Variants in SEC23A observed in about 807,000 individuals in gnomAD.
The protein encoded by SEC23A is protein transport protein Sec23A.
Under a neutral mutation model 103.7 loss-of-function variants are expected in SEC23A, and 56 were observed. The observed-to-expected ratio is 0.54, with a 90% CI of 0.44 to 0.67. SEC23A has a LOEUF of 0.67. Ranked by LOEUF, SEC23A falls within the 30% of genes least tolerant of loss-of-function variation. SEC23A has a pLI of 0.00. For synonymous variants in SEC23A, 281 were observed against 293.0 expected (o/e 0.96, Z 0.42); for missense variants, 784 against 936.4 (o/e 0.84, Z 2.12).
At chr14:39,041,726 G>A (rs764214995) in intron 17 of SEC23A, among the ~76,000 whole-genome samples, 5 of 151,876 alleles carry the variant, frequency 3.3e-5, no homozygotes, top group Non-Finnish European at 7.4e-5. Flanking sequence ...AAAATTAACT[G>A]GGCGTGGTGG....
chr14:39,076,213 A>T, intron 7 of SEC23A, 120 bp from the exon 8 acceptor site: 1 of 871,722 alleles, frequency 1.1e-6, no homozygotes, highest in Non-Finnish European at 1.7e-6. Flanking sequence ...AAATAAAATA[A>T]TCAAATGTTT....
At chr14:39,087,074 C>A (rs1887471027) in intron 5 of SEC23A, 66 bp from the exon 6 acceptor site, 3 of 968,412 alleles carry the variant, frequency 3.1e-6, no homozygotes, top group South Asian at 1.3e-5. Context: ...AACTATTTAT[C>A]ATGTATAAAA....
chr14:39,056,176 A>T (rs1255250871), intron 13 of SEC23A, among the ~76,000 whole-genome samples: 1 of 152,156 alleles, frequency 6.6e-6, no homozygotes, highest in Non-Finnish European at 1.5e-5. Flanking sequence ...CCCCTTTCAA[A>T]AGTGTGTAGA....
At chr14:39,078,810 T>C (rs1160655629) in intron 7 of SEC23A, among the ~76,000 whole-genome samples, 4 of 151,664 alleles carry the variant, frequency 2.6e-5, no homozygotes, top group Non-Finnish European at 5.9e-5. Context: ...CAAAGAAAGA[T>C]ATGAGGAAAA....
intron 15 of SEC23A, 62 bp from the exon 16 acceptor site, chr14:39,045,386 T>C: frequency 8.0e-7 from 1 of 1,243,200 alleles, no homozygotes. Flanking sequence ...GTGTTTACTA[T>C]TAGCAAAAAT....
chr14:39,059,308 A>AC (rs1886385612), intron 13 of SEC23A, among the ~76,000 whole-genome samples: 1 of 107,582 alleles, frequency 9.3e-6, no homozygotes, highest in African/African-American at 3.5e-5. Flanking sequence ...AAAAAAAAAA[A>AC]AACAACAAGG....
At chr14:39,102,396 T>C (rs948188042) in intron 1 of SEC23A, among the ~76,000 whole-genome samples, 3 of 152,108 alleles carry the variant, frequency 2.0e-5, no homozygotes, top group Non-Finnish European at 4.4e-5. Context: ...TTGAGGGAGT[T>C]CAAGTGAAAA....
At chr14:39,036,320 C>CA (rs59018206) in intron 19 of SEC23A, among the ~76,000 whole-genome samples, 28,502 of 69,408 alleles carry the variant, frequency 0.41, 7,574 homozygotes, top group Non-Finnish European at 0.47. Flanking sequence ...GACTCCGTCT[C>CA]AAAAAAAAAA....
At chr14:39,088,068 T>C (rs1887506691) in intron 5 of SEC23A, 1 of 152,156 alleles carries the variant, frequency 6.6e-6, no homozygotes, top group Admixed American at 6.5e-5. Context: ...GCAAAATAGG[T>C]AGTTTATTCC....
At position 39,064,898 on chromosome 14, in the gene SEC23A, A is replaced by G. The variant is rs1317627141; in HGVS notation, c.1308+15T>C. The stretch of plus-strand genomic sequence containing the variant: ...CCTGGTCCTGTATTTTCTTTTTAGA[A>G]TAAACACAACTTACATTTTCAGACA... On this transcript the variant is annotated intron_variant, in intron 11 of 19. Coordinates refer to ENST00000307712, the MANE Select transcript of SEC23A (RefSeq NM_006364.4). 6 of 1,581,656 alleles carry G rather than the reference A, an allele frequency of 3.8e-6. No individual in the cohort carries two copies. Among genetic ancestry groups the G allele is most frequent in the East Asian group, 2.2e-5 (1 of 44,706 alleles).
chr14:39,075,882 C>CA, intron 8 of SEC23A, 53 bp downstream of exon 8: 1 of 1,469,558 alleles, frequency 6.8e-7, no homozygotes, highest in Non-Finnish European at 9.5e-7. Flanking sequence ...CTTCTGCCAG[C>CA]AAATGAATAC....
chr14:39,041,038 A>G, intron 17 of SEC23A, 151 bp from the exon 18 acceptor site: 1 of 733,412 alleles, frequency 1.4e-6, no homozygotes, highest in Admixed American at 3.4e-5. Context: ...CAATTTCAGT[A>G]GAGAAAATAT....
intron 15 of SEC23A, among the ~76,000 whole-genome samples, chr14:39,046,520 C>G (rs1885845595): frequency 6.6e-6 from 1 of 152,078 alleles, no homozygotes; most frequent in East Asian, 1.9e-4. Context: ...TATAAATTAC[C>G]CAGTCCCGGG....
rs1441257585 is a variant in SEC23A, at chr14:39,048,651, C to T, written c.1737+1G>A. On this transcript the variant is annotated splice_donor_variant, in intron 15 of 19. Coordinates refer to ENST00000307712, the MANE Select transcript of SEC23A (RefSeq NM_006364.4). LOFTEE classifies it high-confidence loss of function. Reference sequence around the variant, plus strand: ...AGAATATGGACCTTTTACCTACTTACCTGTGGATAAAGGGAGAAAGTTTCT... The same window carrying T: ...AGAATATGGACCTTTTACCTACTTATCTGTGGATAAAGGGAGAAAGTTTCT... 3 of 1,577,490 alleles carry T rather than the reference C, an allele frequency of 1.9e-6. No homozygotes were observed. The highest frequency in any genetic ancestry group is 2.2e-5 in the East Asian group (1 of 44,690).
intron 10 of SEC23A, among the ~76,000 whole-genome samples, chr14:39,065,653 T>TGGG (rs1886633810): frequency 6.6e-6 from 1 of 152,050 alleles, no homozygotes; most frequent in African/African-American, 2.4e-5. Flanking sequence ...CCTCTATGCC[T>TGGG]CTCCTCACAC....
chr14:39,079,898 T>C (rs1164932378), intron 7 of SEC23A, among the ~76,000 whole-genome samples: 3 of 152,282 alleles, frequency 2.0e-5, no homozygotes, highest in African/African-American at 7.2e-5. Context: ...AGTTGTCTTC[T>C]ACTTATTTGT....
At chr14:39,092,149 C>A (rs1887685981) in intron 4 of SEC23A, among the ~76,000 whole-genome samples, 1 of 152,090 alleles carries the variant, frequency 6.6e-6, no homozygotes, top group Non-Finnish European at 1.5e-5. Context: ...GTTAAGTATT[C>A]AGAAAGAGAA....
In SEC23A at chr14:39,094,440, ATATT is replaced by A. The variant is rs1566515401; in HGVS notation, c.222-1200_222-1197del. The stretch of plus-strand genomic sequence containing the variant: ...TATATATATATATATATATATATAT[ATATT>A]TTTTTTTTTTTTTTTTCCCCTCCTG... On this transcript the variant is annotated intron_variant, in intron 2 of 19. Transcript: ENST00000307712. Among the ~76,000 whole-genome samples, 51 of 13,080 alleles carry A rather than the reference ATATT, an allele frequency of 3.9e-3. 6 individuals carry two copies. Among genetic ancestry groups the A allele is most frequent in the Non-Finnish European group, 4.9e-3 (42 of 8,604 alleles). 8.6% of individuals were successfully genotyped at this position (13,080 alleles called of 152,430 possible).
rs761078459 is a variant in SEC23A at position 39,074,475 on chromosome 14, T to C, written c.1043A>G (p.Tyr348Cys). 9.9e-6 allele frequency: 16 copies of C among 1,613,596 alleles called. No individual in the cohort carries two copies. The highest frequency in any genetic ancestry group is 3.3e-5 in the Admixed American group (2 of 60,006). The change falls in exon 9 of 20, where the codon TAT becomes TGT. Residue 348 changes from tyrosine to cysteine, a missense_variant. By Grantham distance (194) the Tyr-to-Cys change is radical. This residue lies in a region of SEC23A where 683 missense variants were observed against 774.2 expected (regional missense o/e 0.88). Transcript: ENST00000307712. ...ACCTGTCTGATCTAATGCACACGCA[T>C]AGATATCAATAACATGGCCAGTTGT... Reference protein sequence around the residue: ...AATTGHVIDIYACALDQTGLL... With the variant: ...AATTGHVIDICACALDQTGLL...
Sources: allele counts gnomAD v4.1 joint callset (sites outside exome capture counted in the v4.1 genomes callset), GRCh38; gene constraint gnomAD v4.1.1; regional missense constraint gnomAD v4.1.1; transcripts MANE v1.5; gene names NCBI Gene and HGNC (gene_info 2026-07-23, HGNC 2026-07-21).